FAAP100: variants seen among roughly 807,000 people sequenced by gnomAD.
FAAP100 encodes FA core complex associated protein 100.
FAAP100 carries 46 observed loss-of-function variants against 65.8 expected under a neutral mutation model. The observed-to-expected ratio is 0.70, with a 90% CI of 0.55 to 0.89. The LOEUF is 0.89. FAAP100 is among the 40% of genes least tolerant of loss of function. FAAP100 has a pLI of 0.00. For synonymous variants in FAAP100, 663 were observed against 555.1 expected (o/e 1.19, Z -2.73); for missense variants, 1,165 against 1,196.7 (o/e 0.97, Z 0.39).
Position 81,546,927 on chromosome 17 carries a change from A to G in FAAP100, c.2155T>C (p.Leu719=), listed in dbSNP as rs1196677414. The G allele has an allele frequency of 2.8e-6, 4 of 1,423,560 alleles. No individual in the cohort carries two copies. The South Asian group carries it at 6.7e-5, about 24-fold the overall frequency. The allele number at this position is 1,423,560 out of a possible 1,614,324, so 88.2% of individuals were successfully genotyped here. Reference sequence around the variant, plus strand: ...CACCAACCTGAGTGGCCGTCCTTCAAGGCAGCTCTGAGCAGCTCCGCCGAC... The same window carrying G: ...CACCAACCTGAGTGGCCGTCCTTCAGGGCAGCTCTGAGCAGCTCCGCCGAC... The part of the protein sequence containing the change: ...KVSAELLRAA[L]KDGHSGVPLC... The change falls in exon 5 of 9, where the codon TTG becomes CTG. Residue 719 remains leucine (L), a synonymous_variant. Coordinates refer to ENST00000327787, the MANE Select transcript of FAAP100 (RefSeq NM_025161.6).
At chr17:81,551,575 G>T (rs532792399) in intron 2 of FAAP100, among the ~76,000 whole-genome samples, 1 of 152,196 alleles carries the variant, frequency 6.6e-6, no homozygotes, top group African/African-American at 2.4e-5. Context: ...GGTGTCCACT[G>T]ATCACTGACT....
intron 2 of FAAP100, 82 bp downstream of exon 2, chr17:81,551,846 G>T (rs981702759): frequency 1.4e-6 from 2 of 1,409,244 alleles, no homozygotes; most frequent in African/African-American, 1.5e-5. Context: ...GTCCCCAAGC[G>T]CGATGAGGTG....
Position 81,550,407 on chromosome 17 carries a change from G to A in FAAP100, c.1087C>T (p.Pro363Ser), listed in dbSNP as rs561678941. The change falls in exon 3 of 9, where the codon CCT (proline) becomes TCT (serine). Residue 363 changes from proline (P) to serine (S), a missense_variant. Physicochemically the swap from Pro to Ser is moderately conservative, Grantham distance 74. Transcript: ENST00000327787. ...AGATCCACCACACAGAGGTCAGAAGGGGTGCTGTGGTACACGCGGCCACCC... is the reference window on the plus strand; with the variant it reads ...AGATCCACCACACAGAGGTCAGAAGAGGTGCTGTGGTACACGCGGCCACCC... ...GGGGRVYHSTPSDLCVVDLSR... is the reference protein window; with the variant it reads ...GGGGRVYHSTSSDLCVVDLSR... 1.2e-6 allele frequency: 2 copies of A among 1,612,718 alleles called. No individual in the cohort carries two copies. The highest frequency in any genetic ancestry group is 4.5e-5 in the East Asian group (2 of 44,876).
At position 81,551,000 on chromosome 17, in the gene FAAP100, C is replaced by T. The variant is rs142650151; in HGVS notation, c.494G>A (p.Arg165Gln). The T allele has an allele frequency of 1.3e-4, 210 of 1,611,584 alleles. No individual in the cohort carries two copies. The African/African-American group carries it at 2.6e-3, about 20-fold the overall frequency. The change falls in exon 3 of 9, where the codon CGG (arginine) becomes CAG (glutamine). Residue 165 changes from arginine to glutamine, a missense_variant. Transcript: ENST00000327787. Reference sequence around the variant, plus strand: ...CACCTCACCGATCTGGCCTCCTGGCCGGGGGTCCTCCCCAGGACAGGGCTG... The same window carrying T: ...CACCTCACCGATCTGGCCTCCTGGCTGGGGGTCCTCCCCAGGACAGGGCTG... ...FEQPCPGEDP[R>Q]PGGQIGEVEL...
In FAAP100 at chr17:81,550,486, G is replaced by A. The variant is rs201500435; in HGVS notation, c.1008C>T (p.Pro336=). 5.8e-5 allele frequency: 94 copies of A among 1,612,484 alleles called. No homozygotes were observed. In the Middle Eastern group the frequency reaches 2.1e-3, roughly 37 times the overall value. ...CTGGGAGGCAGTACTCCCGCAGCTC[G>A]GGCACCAGCTTCCCGGACTCATCCC... The part of the protein sequence containing the change: ...ASWDESGKLV[P]ELREYCLPGP... The change falls in exon 3 of 9, where the codon CCC becomes CCT. Residue 336 remains proline, a synonymous_variant. Transcript: ENST00000327787.
intron 4 of FAAP100, 36 bp from the exon 5 acceptor site, chr17:81,547,714 G>T: frequency 1.9e-6 from 3 of 1,596,818 alleles, no homozygotes; most frequent in Non-Finnish European, 2.6e-6. Context: ...GGAGCGGGGG[G>T]ACACCCACAG....
chr17:81,550,917 A>C lies in FAAP100; in HGVS notation c.577T>G (p.Phe193Val). 1 of 1,612,552 alleles carries C rather than the reference A, an allele frequency of 6.2e-7. No individual in the cohort carries two copies. Among genetic ancestry groups the C allele is most frequent in the Non-Finnish European group, 8.5e-7 (1 of 1,179,828 alleles). ...GVPGKPAAPH[F>V]LPVLCSVSPS... ...GACACAGAGCACAGCACTGGAAGGA[A>C]GTGGGGGGCTGCAGGCTTTCCTGGG... Residue 193 changes from phenylalanine (F) to valine (V), a missense_variant, in exon 3 of 9, where the codon TTC (phenylalanine) becomes GTC (valine). Physicochemically the swap from Phe to Val is conservative, Grantham distance 50. Coordinates refer to ENST00000327787, the MANE Select transcript of FAAP100 (RefSeq NM_025161.6).
chr17:81,541,521 C>A, intron 7 of FAAP100, 126 bp from the exon 8 acceptor site: 1 of 801,282 alleles, frequency 1.2e-6, no homozygotes. Flanking sequence ...CCCCTCCCCA[C>A]CCCAGCGCTT....
chr17:81,542,234 T>TATATATATATATAAA (rs148790569), intron 7 of FAAP100, among the ~76,000 whole-genome samples: 6 of 93,950 alleles, frequency 6.4e-5, no homozygotes, highest in African/African-American at 2.5e-4. Flanking sequence ...TATATATATA[T>TATATATATATATAAA]GAAATCAGCC....
At position 81,547,009 on chromosome 17, in the gene FAAP100, T is replaced by G. The variant is rs1469312476; in HGVS notation, c.2073A>C (p.Ala691=). ...ETCREPGSQP[A]GPASLRAEYL... is the part of the protein sequence containing the mutation. Reference sequence around the variant, plus strand: ...ACTCGGCCCGCAGGGAGGCGGGTCCTGCTGGCTGGCTGCCAGGCTCCCGAC... The same window carrying G: ...ACTCGGCCCGCAGGGAGGCGGGTCCGGCTGGCTGGCTGCCAGGCTCCCGAC... The change falls in exon 5 of 9, where the codon GCA becomes GCC. Residue 691 remains alanine (A), a synonymous_variant. Coordinates refer to ENST00000327787, the MANE Select transcript of FAAP100 (RefSeq NM_025161.6). The G allele has an allele frequency of 6.5e-7, 1 of 1,533,752 alleles. No homozygotes were observed. Among genetic ancestry groups the G allele is most frequent in the Non-Finnish European group, 8.8e-7 (1 of 1,140,816 alleles).
At chr17:81,551,598 G>T (rs2033497246) in intron 2 of FAAP100, 2 of 984,390 alleles carry the variant, frequency 2.0e-6, no homozygotes, top group Non-Finnish European at 2.7e-6. Flanking sequence ...GGGTCACGGT[G>T]CCTTTGCTGT....
Position 81,541,383 on chromosome 17 carries a change from C to T in FAAP100, c.2440G>A (p.Glu814Lys), listed in dbSNP as rs754927886. The change falls in exon 8 of 9, where the codon GAG becomes AAG. Residue 814 changes from glutamate to lysine, a missense_variant. Coordinates refer to ENST00000327787, the MANE Select transcript of FAAP100 (RefSeq NM_025161.6). ...VVGRMQTMVT[E>K]QATQGSSAPD... is the part of the protein sequence containing the mutation. Reference sequence around the variant, plus strand: ...GCGCTGGAGCCCTGGGTGGCCTGCTCTGTCACCATCGTCTGGGGGACACAG... The same window carrying T: ...GCGCTGGAGCCCTGGGTGGCCTGCTTTGTCACCATCGTCTGGGGGACACAG... The T allele has an allele frequency of 1.1e-5, 17 of 1,609,010 alleles. No individual in the cohort carries two copies. Among genetic ancestry groups the T allele is most frequent in the Non-Finnish European group, 1.3e-5 (15 of 1,178,264 alleles).
rs954851367 is a variant in FAAP100, at chr17:81,540,036, C to T, written c.*783G>A. The T allele has an allele frequency of 7.5e-6, 3 of 398,730 alleles. No individual in the cohort carries two copies. Among genetic ancestry groups the T allele is most frequent in the Non-Finnish European group, 1.3e-5 (3 of 226,270 alleles). 24.7% of individuals were successfully genotyped at this position (398,730 alleles called of 1,614,324 possible). On this transcript the variant is annotated 3_prime_UTR_variant, in exon 9 of 9. Transcript: ENST00000327787. ...CAGCACCAGGAGGTGGGCCGTAGCC[C>T]AGGCTGAGGGAGGAGGCTGGGGGCT...
chr17:81,544,584 G>A (rs1486723890), intron 6 of FAAP100, among the ~76,000 whole-genome samples: 1 of 152,184 alleles, frequency 6.6e-6, no homozygotes, highest in African/African-American at 2.4e-5. Flanking sequence ...GAGCTGCTGG[G>A]CCTATCTATG....
Position 81,552,177 on chromosome 17 carries a change from C to G in FAAP100, c.154G>C (p.Gly52Arg). 2 of 1,496,350 alleles carry G rather than the reference C, an allele frequency of 1.3e-6. No individual in the cohort carries two copies. The highest frequency in any genetic ancestry group is 1.2e-5 in the South Asian group (1 of 80,054). 92.7% of individuals were successfully genotyped at this position (1,496,350 alleles called of 1,614,324 possible). A position where few individuals can be genotyped will look rare whatever the true frequency, so the allele number is the denominator to read the frequency against. ...GGGCCGGCGCTCACGGTCAGCAGCC[C>G]GCCCTCCTGGTCGTACACGTAGACG... ...ELVYVYDQEG[G>R]LLTAAFRFPD... The change falls in exon 1 of 9, where the codon GGG becomes CGG. Residue 52 changes from glycine to arginine, a missense_variant. Physicochemically the swap from Gly to Arg is moderately radical, Grantham distance 125. Transcript: ENST00000327787.
upstream of FAAP100, among the ~76,000 whole-genome samples, chr17:81,552,620 G>C (rs1022251361): frequency 6.6e-6 from 1 of 152,228 alleles, no homozygotes; most frequent in African/African-American, 2.4e-5. Flanking sequence ...CCCGGCTGCT[G>C]CACGGGTTCC....
At chr17:81,548,675 G>A (rs2033392613) in intron 4 of FAAP100, among the ~76,000 whole-genome samples, 1 of 151,758 alleles carries the variant, frequency 6.6e-6, no homozygotes, top group South Asian at 2.1e-4. Context: ...GGAAGCGAAG[G>A]TTGCATTAAA....
At position 81,540,076 on chromosome 17, in the gene FAAP100, C is replaced by G. The variant is rs538515605; in HGVS notation, c.*743G>C. 2.1e-3 allele frequency: 719 copies of G among 341,154 alleles called. 11 individuals carry two copies. The highest frequency in any genetic ancestry group is 0.018 in the African/African-American group (665 of 37,596). 21.1% of individuals were successfully genotyped at this position (341,154 alleles called of 1,614,324 possible). On this transcript the variant is annotated 3_prime_UTR_variant, in exon 9 of 9. Transcript: ENST00000327787. ...GGCTGGGGGCTGGGGCTCAGGGCCC[C>G]CCCCCGGGCCACAGCGCCACCCTGA...
At chr17:81,545,648 C>T (rs1368649476) in intron 6 of FAAP100, 98 bp downstream of exon 6, 1 of 1,438,802 alleles carries the variant, frequency 7.0e-7, no homozygotes, top group Non-Finnish European at 9.3e-7. Context: ...GGCTGCCAGG[C>T]CCCCACCCAG....
Sources: gnomAD v4.1 joint callset for allele counts (sites outside exome capture counted in the v4.1 genomes callset) on GRCh38, gnomAD v4.1.1 for gene constraint, MANE v1.5 for transcripts, NCBI Gene and HGNC (gene_info 2026-07-23, HGNC 2026-07-21) for gene names.